The following NLRP4 variants were observed in gnomAD, a reference collection of about 807,000 sequenced individuals.
The protein encoded by NLRP4 is NACHT, LRR and PYD domains-containing protein 4.
NLRP4 carries 44 observed loss-of-function variants against 84.7 expected under a neutral mutation model. The ratio of observed to expected loss-of-function variants is 0.52; its 90% CI spans 0.41 to 0.67. The LOEUF is 0.67. Ranked by LOEUF, NLRP4 falls within the 30% of genes least tolerant of loss-of-function variation. NLRP4 has a pLI of 0.00. For synonymous variants in NLRP4, 544 were observed against 476.4 expected, an observed-to-expected ratio of 1.14 and a Z score of -1.85; for missense variants, 1,260 against 1,219.4, an observed-to-expected ratio of 1.03 and a Z score of -0.50.
chr19:55,847,965 T>G (rs1983863750), intron 1 of NLRP4, among the ~76,000 whole-genome samples: 1 of 152,132 alleles, frequency 6.6e-6, no homozygotes, highest in African/African-American at 2.4e-5. Flanking sequence ...TCTGCCTGCC[T>G]TAGCCTCCCA....
chr19:55,852,977 C>T (rs915690781), intron 2 of NLRP4, among the ~76,000 whole-genome samples: 3 of 152,208 alleles, frequency 2.0e-5, no homozygotes, highest in Non-Finnish European at 2.9e-5. Flanking sequence ...ATGCACCTGA[C>T]TTATTTGCAA....
intron 6 of NLRP4, among the ~76,000 whole-genome samples, chr19:55,869,914 C>A (rs1600239080): frequency 6.6e-6 from 1 of 151,940 alleles, no homozygotes; most frequent in Non-Finnish European, 1.5e-5. Flanking sequence ...CATGATGAAA[C>A]CCTTTCTTGA....
intron 1 of NLRP4, among the ~76,000 whole-genome samples, chr19:55,850,052 TAGCTGC>T (rs1983999098): frequency 1.1e-5 from 1 of 90,142 alleles, no homozygotes; most frequent in African/African-American, 7.5e-5. Context: ...GTGATTTCCG[TAGCTGC>T]GGTGGAATTT....
chr19:55,879,304 A>G (rs565455657), intron 9 of NLRP4, among the ~76,000 whole-genome samples: 1 of 152,280 alleles, frequency 6.6e-6, no homozygotes, highest in East Asian at 1.9e-4. Flanking sequence ...TTAATAGGCA[A>G]AAGAAAGAAG....
intron 6 of NLRP4, among the ~76,000 whole-genome samples, chr19:55,869,695 A>T (rs1985098866): frequency 1.3e-5 from 2 of 152,150 alleles, no homozygotes; most frequent in Non-Finnish European, 1.5e-5. Flanking sequence ...TCCGTAGGCC[A>T]TATGTGGTTC....
intron 1 of NLRP4, among the ~76,000 whole-genome samples, chr19:55,840,338 ATGTGTATGTGTG>A (rs376257604): frequency 0.043 from 5,888 of 137,038 alleles, 294 homozygotes; most frequent in East Asian, 0.23. Context: ...ACATATGTGT[ATGTGTATGTGTG>A]TGTGTGTGTG....
chr19:55,864,298 C>T (rs754775690), intron 5 of NLRP4, among the ~76,000 whole-genome samples: 3 of 152,190 alleles, frequency 2.0e-5, no homozygotes, highest in African/African-American at 7.2e-5. Flanking sequence ...CTATCCCAGG[C>T]GTCTCATGTA....
Position 55,859,148 on chromosome 19 carries a change from C to A in NLRP4, c.1755C>A (p.Asp585Glu), listed in dbSNP as rs1408669288. 23 of 1,613,832 alleles carry A rather than the reference C, an allele frequency of 1.4e-5. No homozygotes were observed. Among genetic ancestry groups the A allele is most frequent in the Non-Finnish European group, 1.8e-5 (21 of 1,179,748 alleles). ...ACTTTCATATTATTGACAACGTGGA[C>A]TTGGTGGTTTCTGCCTACTGCTTAA... ...EANFHIIDNV[D>E]LVVSAYCLKY... Residue 585 changes from aspartate to glutamate, a missense_variant, in exon 3 of 10, where the codon GAC becomes GAA. This residue lies in a region of NLRP4 where 544 missense variants were observed against 531.7 expected (regional missense o/e 1.02). Coordinates refer to ENST00000301295, the MANE Select transcript of NLRP4 (RefSeq NM_134444.5).
In NLRP4 at chr19:55,867,893, G is replaced by T; in HGVS notation, c.2354+17G>T. Reference sequence around the variant, plus strand: ...ATACCTGATGTGAGTGGATGTTGGGGGTGCCTACTGTGGAGGGCCATGGCG... The same window carrying T: ...ATACCTGATGTGAGTGGATGTTGGGTGTGCCTACTGTGGAGGGCCATGGCG... On this transcript the variant is annotated intron_variant, in intron 6 of 9. Coordinates refer to ENST00000301295, the MANE Select transcript of NLRP4 (RefSeq NM_134444.5). 2 of 1,611,434 alleles carry T rather than the reference G, an allele frequency of 1.2e-6. No homozygotes were observed. The highest frequency in any genetic ancestry group is 1.7e-6 in the Non-Finnish European group (2 of 1,178,124).
At chr19:55,843,245 G>A (rs902955966) in intron 1 of NLRP4, among the ~76,000 whole-genome samples, 4 of 152,108 alleles carry the variant, frequency 2.6e-5, no homozygotes, top group Non-Finnish European at 5.9e-5. Context: ...ACTCTGGAAT[G>A]CTTTCAAGAT....
intron 7 of NLRP4, 27 bp downstream of exon 7, chr19:55,871,024 A>T (rs1161011137): frequency 6.2e-7 from 1 of 1,608,792 alleles, no homozygotes; most frequent in Non-Finnish European, 8.5e-7. Flanking sequence ...TTCTTTGAAG[A>T]CCAAGCCGTC....
chr19:55,852,010 C>G lies in NLRP4; in HGVS notation c.-65-6C>G. The G allele has an allele frequency of 8.5e-7, 1 of 1,175,130 alleles. No individual in the cohort carries two copies. The highest frequency in any genetic ancestry group is 1.2e-6 in the Non-Finnish European group (1 of 810,022). 72.8% of individuals were successfully genotyped at this position (1,175,130 alleles called of 1,614,324 possible). ...ATAACTTGGCACTGTCCTGAATTTT[C>G]TACAGGTTTTATTTATTTATTGTTC... On this transcript the variant is annotated splice_region_variant and splice_polypyrimidine_tract_variant and intron_variant, in intron 1 of 9. Coordinates refer to ENST00000301295, the MANE Select transcript of NLRP4 (RefSeq NM_134444.5).
intron 1 of NLRP4, among the ~76,000 whole-genome samples, chr19:55,848,081 C>T (rs1983868824): frequency 6.6e-6 from 1 of 152,176 alleles, no homozygotes; most frequent in African/African-American, 2.4e-5. Context: ...TGCTGTGTCT[C>T]CATTGAGTTC....
At position 55,840,659 on chromosome 19, in the gene NLRP4, A is replaced by G. The variant is rs796270473; in HGVS notation, c.-66+3725A>G. 2.5e-4 allele frequency among the ~76,000 whole-genome samples: 38 copies of G among 152,284 alleles called. 1 individual carries two copies. The highest frequency in any genetic ancestry group is 8.9e-4 in the African/African-American group (37 of 41,572). ...GTGATCCGCCCACCTCGGCCTCCCA[A>G]AGTGCTGGGATTATAGGCGTGAGCC... On this transcript the variant is annotated intron_variant, in intron 1 of 9. Coordinates refer to ENST00000301295, the MANE Select transcript of NLRP4 (RefSeq NM_134444.5).
At chr19:55,853,763 C>G (rs1485509635) in intron 2 of NLRP4, among the ~76,000 whole-genome samples, 1 of 136,826 alleles carries the variant, frequency 7.3e-6, no homozygotes, top group Non-Finnish European at 1.5e-5. Flanking sequence ...CTTTCTCTTT[C>G]TCTCTCTCTC....
At position 55,852,013 on chromosome 19, in the gene NLRP4, C is replaced by A; in HGVS notation, c.-65-3C>A. Reference sequence around the variant, plus strand: ...ACTTGGCACTGTCCTGAATTTTCTACAGGTTTTATTTATTTATTGTTCCTG... The same window carrying A: ...ACTTGGCACTGTCCTGAATTTTCTAAAGGTTTTATTTATTTATTGTTCCTG... On this transcript the variant is annotated splice_region_variant and splice_polypyrimidine_tract_variant and intron_variant, in intron 1 of 9. Transcript: ENST00000301295. 1 of 1,200,994 alleles carries A rather than the reference C, an allele frequency of 8.3e-7. No individual in the cohort carries two copies. The highest frequency in any genetic ancestry group is 1.2e-6 in the Non-Finnish European group (1 of 833,602). The allele number at this position is 1,200,994 out of a possible 1,614,324, so 74.4% of individuals were successfully genotyped here.
chr19:55,869,487 A>G (rs1985090843), intron 6 of NLRP4, among the ~76,000 whole-genome samples: 1 of 152,098 alleles, frequency 6.6e-6, no homozygotes, highest in Non-Finnish European at 1.5e-5. Flanking sequence ...GGAAATGCAG[A>G]TCTTGTGTCT....
At chr19:55,850,639 G>A (rs1327071015) in intron 1 of NLRP4, among the ~76,000 whole-genome samples, 1 of 124,722 alleles carries the variant, frequency 8.0e-6, no homozygotes, top group Admixed American at 7.3e-5. Flanking sequence ...CCGAGGCTGC[G>A]GTGTAATGTC....
intron 2 of NLRP4, among the ~76,000 whole-genome samples, chr19:55,854,061 C>T (rs1984313688): frequency 1.3e-5 from 2 of 152,088 alleles, no homozygotes; most frequent in Admixed American, 1.3e-4. Flanking sequence ...CTTCCACCTC[C>T]TGGGTTCAAG....
Sources: gnomAD v4.1 joint callset for allele counts (sites outside exome capture counted in the v4.1 genomes callset) on GRCh38, gnomAD v4.1.1 for gene constraint, gnomAD v4.1.1 regional missense constraint, MANE v1.5 for transcripts, NCBI Gene and HGNC (gene_info 2026-07-23, HGNC 2026-07-21) for gene names.